The following TRERF1 variants were observed in gnomAD, a reference collection of about 807,000 sequenced individuals.
TRERF1 encodes the protein transcriptional regulating factor 1.
A neutral mutation model predicts 122.9 loss-of-function variants in TRERF1; 27 were observed. The ratio of observed to expected loss-of-function variants is 0.22; its 90% CI spans 0.16 to 0.30. TRERF1 has a LOEUF of 0.30. TRERF1 is among the 10% of genes least tolerant of loss of function. TRERF1 has a pLI of 1.00. For synonymous variants in TRERF1, 636 were observed against 641.7 expected (o/e 0.99, Z 0.13); for missense variants, 1,248 against 1,560.3 (o/e 0.80, Z 3.37).
chr6:42,408,248 TACATACAC>T (rs1189508347), intron 2 of TRERF1, among the ~76,000 whole-genome samples: 92 of 91,094 alleles, frequency 1.0e-3, no homozygotes, highest in South Asian at 6.1e-3. Flanking sequence ...TATGTATATA[TACATACAC>T]ATGTGTGTGT....
chr6:42,296,723 A>G (rs1429129541), intron 4 of TRERF1, among the ~76,000 whole-genome samples: 1 of 152,144 alleles, frequency 6.6e-6, no homozygotes, highest in African/African-American at 2.4e-5. Flanking sequence ...GGGAGAGGGG[A>G]AAAGGAAAAA....
At chr6:42,417,293 T>C (rs1781973765) in intron 2 of TRERF1, among the ~76,000 whole-genome samples, 1 of 150,556 alleles carries the variant, frequency 6.6e-6, no homozygotes, top group Non-Finnish European at 1.5e-5. Context: ...TGTCTGGGCT[T>C]CTTTTTCTGA....
chr6:42,450,319 G>A (rs1344512062), intron 2 of TRERF1, among the ~76,000 whole-genome samples: 1 of 152,214 alleles, frequency 6.6e-6, no homozygotes, highest in East Asian at 1.9e-4. Context: ...ACCTGGACCG[G>A]TTTTCAGGAG....
intron 4 of TRERF1, among the ~76,000 whole-genome samples, chr6:42,280,604 C>T (rs930554165): frequency 2.6e-5 from 4 of 152,200 alleles, no homozygotes; most frequent in African/African-American, 7.2e-5. Flanking sequence ...GACGACATCT[C>T]CCCTGTTCTT....
chr6:42,419,319 G>C (rs1782411733), intron 2 of TRERF1, among the ~76,000 whole-genome samples: 1 of 136,098 alleles, frequency 7.3e-6, no homozygotes, highest in African/African-American at 2.8e-5. Context: ...CTTAGGCACA[G>C]AGTGACCGGT....
chr6:42,408,096 C>G (rs1780452543), intron 2 of TRERF1, among the ~76,000 whole-genome samples: 1 of 151,574 alleles, frequency 6.6e-6, no homozygotes, highest in Admixed American at 6.6e-5. Flanking sequence ...CCAATATAGT[C>G]TAAGTATTTG....
intron 5 of TRERF1, among the ~76,000 whole-genome samples, chr6:42,267,446 G>A (rs1369946130): frequency 4.6e-5 from 7 of 152,148 alleles, no homozygotes; most frequent in Admixed American, 2.6e-4. Context: ...TGACCAACAT[G>A]GTGAAACCTT....
intron 2 of TRERF1, among the ~76,000 whole-genome samples, chr6:42,414,400 T>G (rs772334735): frequency 6.6e-6 from 1 of 152,198 alleles, no homozygotes; most frequent in African/African-American, 2.4e-5. Context: ...GAATAAGTGA[T>G]TCCATCAAAA....
intron 3 of TRERF1, among the ~76,000 whole-genome samples, chr6:42,333,319 C>T (rs16895592): frequency 0.1 from 15,634 of 152,124 alleles, 1,302 homozygotes; most frequent in African/African-American, 0.23. Context: ...TGTTTTAGGG[C>T]GCTCACAACT....
At position 42,259,582 on chromosome 6, in the gene TRERF1, A is replaced by C. The variant is rs773455338; in HGVS notation, c.2026T>G (p.Ser676Ala). ...TGGTACAGGGTGGCGCCCGAGTAGG[A>C]GGCAGCGGGGTTCGGGTTGTAGGAG... is the stretch of plus-strand genomic sequence containing the variant. The change falls in exon 9 of 18, where the codon TCC becomes GCC. Residue 676 changes from serine to alanine, a missense_variant. Around this residue, in one of 5 missense-constraint regions of TRERF1, gnomAD observed 946 missense variants for 1,073.0 expected, o/e 0.88. Coordinates refer to ENST00000372922, the Ensembl canonical transcript of TRERF1. The surrounding 1 kb of genome is among the most constrained non-coding windows in gnomAD (Gnocchi z 4.9). 1.2e-6 allele frequency: 2 copies of C among 1,613,832 alleles called. No individual in the cohort carries two copies. The highest frequency in any genetic ancestry group is 1.7e-6 in the Non-Finnish European group (2 of 1,179,890).
chr6:42,415,678 A>G (rs1190915139), intron 2 of TRERF1, among the ~76,000 whole-genome samples: 1 of 152,052 alleles, frequency 6.6e-6, no homozygotes, highest in Admixed American at 6.5e-5. Context: ...GTATACACAC[A>G]CCCTTATTTA....
At chr6:42,247,373 G>A (rs1774990666) in intron 13 of TRERF1, among the ~76,000 whole-genome samples, 2 of 152,338 alleles carry the variant, frequency 1.3e-5, no homozygotes, top group South Asian at 4.1e-4. Flanking sequence ...TGCTTACTAA[G>A]TGGCAGGTTC....
chr6:42,275,871 C>T lies in TRERF1; in HGVS notation c.-258-6023G>A, dbSNP rs536679188. On this transcript the variant is annotated intron_variant, in intron 4 of 17. Coordinates refer to ENST00000372922, the Ensembl canonical transcript of TRERF1. This position sits in a 1 kb window ranked among gnomAD's most constrained non-coding sequence, Gnocchi z 4.1. Reference sequence around the variant, plus strand: ...TATGGTTTCTGTCACAACGCTGCCACGGTAGCGTGAAAGCGGCCACAGACC... The same window carrying T: ...TATGGTTTCTGTCACAACGCTGCCATGGTAGCGTGAAAGCGGCCACAGACC... 4.6e-5 allele frequency among the ~76,000 whole-genome samples: 7 copies of T among 152,350 alleles called. No individual in the cohort carries two copies. In the South Asian group the frequency reaches 1.0e-3, roughly 23 times the overall value.
exon 7 of TRERF1, chr6:42,264,737 G>A (rs2295274): frequency 0.16 from 263,793 of 1,614,054 alleles, 21,937 homozygotes; most frequent in South Asian, 0.19. Flanking sequence ...TCATTCCCCC[G>A]TGGGACCGCA....
intron 2 of TRERF1, among the ~76,000 whole-genome samples, chr6:42,417,328 G>GCTGGAGCCAGCAGCCC (rs2307594): frequency 9.2e-5 from 14 of 151,944 alleles, no homozygotes; most frequent in Middle Eastern, 6.8e-3. Context: ...CTACCCCACG[G>GCTGGAGCCAGCAGCCC]ACCCCACTCC....
chr6:42,229,291 C>T (rs1273963899), intron 17 of TRERF1, among the ~76,000 whole-genome samples: 1 of 152,296 alleles, frequency 6.6e-6, no homozygotes, highest in East Asian at 1.9e-4. Context: ...GTACATACCA[C>T]CATGCCTGGC....
intron 3 of TRERF1, among the ~76,000 whole-genome samples, chr6:42,341,796 C>T (rs1481715683): frequency 6.6e-6 from 1 of 152,206 alleles, no homozygotes; most frequent in African/African-American, 2.4e-5. Flanking sequence ...ACTACAAGAA[C>T]ACTAAACATT....
intron 2 of TRERF1, among the ~76,000 whole-genome samples, chr6:42,399,327 C>T (rs1173311798): frequency 6.6e-5 from 10 of 152,120 alleles, no homozygotes; most frequent in African/African-American, 1.9e-4. Context: ...CAGACAAAAA[C>T]ATACTAAACC....
At chr6:42,299,056 G>A (rs1785583129) in intron 4 of TRERF1, among the ~76,000 whole-genome samples, 1 of 149,948 alleles carries the variant, frequency 6.7e-6, no homozygotes, top group Non-Finnish European at 1.5e-5. Context: ...GCCTGGGCAA[G>A]AGAGCAAGAC....
Sources: gnomAD v4.1 joint callset for allele counts (sites outside exome capture counted in the v4.1 genomes callset) on GRCh38, gnomAD v4.1.1 for gene constraint, gnomAD v4.1.1 regional missense constraint, Gnocchi (gnomAD v3.1) non-coding constraint, MANE v1.5 for transcripts, NCBI Gene and HGNC (gene_info 2026-07-23, HGNC 2026-07-21) for gene names.